Variants in PLEKHG5 observed in about 807,000 individuals in gnomAD.
PLEKHG5 encodes the protein pleckstrin homology domain-containing family G member 5.
PLEKHG5 carries 52 observed loss-of-function variants against 103.8 expected under a neutral mutation model. The observed-to-expected ratio is 0.50, with a 90% CI of 0.40 to 0.63. The LOEUF (loss-of-function observed/expected upper bound fraction) is 0.63, where lower values mean the gene tolerates loss of function less well. PLEKHG5 is among the 30% of genes least tolerant of loss of function. The pLI, the probability that PLEKHG5 is intolerant of heterozygous loss-of-function variation, is 0.00. For missense variants in PLEKHG5, 1,205 were observed against 1,347.6 expected, an observed-to-expected ratio of 0.89 and a Z score of 1.66; for synonymous variants, 592 against 575.5, an observed-to-expected ratio of 1.03 and a Z score of -0.41.
In PLEKHG5 at chr1:6,487,020, C is replaced by T. The variant is rs773706733; in HGVS notation, c.-88+4617G>A. On this transcript the variant is annotated intron_variant, in intron 1 of 20. Coordinates refer to ENST00000377728, the MANE Select transcript of PLEKHG5 (RefSeq NM_020631.6). The surrounding 1 kb of genome is among the most constrained non-coding windows in gnomAD (Gnocchi z 4.1). ...TGAGATGGCTTTGGGAGGGCAGCAG[C>T]GTTTTATTAGAGGCTGGGAGACTTC... Among the ~76,000 whole-genome samples, 34 of 152,150 alleles carry T rather than the reference C, an allele frequency of 2.2e-4. No homozygotes were observed. The highest frequency in any genetic ancestry group is 3.5e-4 in the Non-Finnish European group (24 of 68,024).
upstream of PLEKHG5, among the ~76,000 whole-genome samples, chr1:6,495,389 T>C (rs1645209796): frequency 1.3e-5 from 2 of 150,608 alleles, no homozygotes; most frequent in Non-Finnish European, 1.5e-5. Context: ...GCAGAACGAG[T>C]GTGTGTGTGT....
At chr1:6,479,441 C>T (rs1644847290) in intron 1 of PLEKHG5, among the ~76,000 whole-genome samples, 1 of 151,980 alleles carries the variant, frequency 6.6e-6, no homozygotes, top group Non-Finnish European at 1.5e-5. Flanking sequence ...CGCCCGCCAC[C>T]ACGCCCGGCT....
intron 1 of PLEKHG5, chr1:6,519,345 G>C: frequency 1.1e-6 from 1 of 909,420 alleles, no homozygotes; most frequent in Admixed American, 1.7e-5. Context: ...AATTCAGTGA[G>C]TGTGAGTCCT....
chr1:6,517,845 G>C (rs1024596973), intron 1 of PLEKHG5, among the ~76,000 whole-genome samples: 1 of 152,214 alleles, frequency 6.6e-6, no homozygotes, highest in Non-Finnish European at 1.5e-5. Flanking sequence ...TCCCAGACCA[G>C]GCTCCAACTC....
chr1:6,479,282 CTTT>C (rs59798457), intron 1 of PLEKHG5, among the ~76,000 whole-genome samples: 11,940 of 129,926 alleles, frequency 0.092, 432 homozygotes, highest in East Asian at 0.23. Flanking sequence ...TCTGTTTATC[CTTT>C]TTTTTTTTTT....
intron 1 of PLEKHG5, chr1:6,485,516 G>C: frequency 8.2e-7 from 1 of 1,225,930 alleles, no homozygotes; most frequent in Non-Finnish European, 1.0e-6. Context: ...GCCATTGTGC[G>C]GCCGCGCCCG....
chr1:6,470,179 G>A, intron 16 of PLEKHG5, 57 bp downstream of exon 16: 1 of 1,593,476 alleles, frequency 6.3e-7, no homozygotes, highest in African/African-American at 1.3e-5. Flanking sequence ...CAGTGACTGG[G>A]GCCCAGGAGG....
At position 6,519,544 on chromosome 1, in the gene PLEKHG5, GACCTCCAGCCAC is replaced by G. The variant is rs372167239; in HGVS notation, c.-276_-265del. The G allele has an allele frequency of 9.6e-5, 149 of 1,558,168 alleles. 2 individuals carry two copies. The African/African-American group carries it at 1.8e-3, about 19-fold the overall frequency. ...CTCTGCGGTGGTGGCACCCTGCCTG[GACCTCCAGCCAC>G]ATGCCAATGCCACAGGCCTCTCTAA... is the stretch of plus-strand genomic sequence containing the variant. On this transcript the variant is annotated 5_prime_UTR_variant, in exon 1 of 22. Coordinates refer to the PLEKHG5 transcript ENST00000377740.
intron 1 of PLEKHG5, among the ~76,000 whole-genome samples, chr1:6,514,426 C>A (rs1049546817): frequency 6.6e-6 from 1 of 151,756 alleles, no homozygotes; most frequent in Non-Finnish European, 1.5e-5. Context: ...TGCACTCCAG[C>A]CTTGGTGACA....
intron 1 of PLEKHG5, among the ~76,000 whole-genome samples, chr1:6,514,750 GA>G (rs976035938): frequency 1.6e-4 from 24 of 149,262 alleles, no homozygotes; most frequent in African/African-American, 5.4e-4. Flanking sequence ...GACAGAGCAA[GA>G]CTCCATCTTG....
rs372308060 is a variant in PLEKHG5, at chr1:6,468,271, C to T, written c.2565G>A (p.Ser855=). 19 of 1,605,982 alleles carry T rather than the reference C, an allele frequency of 1.2e-5. No homozygotes were observed. Among genetic ancestry groups the T allele is most frequent in the East Asian group, 2.2e-5 (1 of 44,648 alleles). ...ESPRVPSPPP[S]PRLRRRTPVQ... ...CAGGGGTGCGGCGGCGGAGACGGGGCGAGGGTGGAGGGGAAGGAACTCGTG... is the reference window on the plus strand; with the variant it reads ...CAGGGGTGCGGCGGCGGAGACGGGGTGAGGGTGGAGGGGAAGGAACTCGTG... Residue 855 remains serine, a synonymous_variant, in exon 20 of 21, where the codon TCG becomes TCA. Coordinates refer to ENST00000377728, the MANE Select transcript of PLEKHG5 (RefSeq NM_020631.6).
upstream of PLEKHG5, among the ~76,000 whole-genome samples, chr1:6,500,891 C>G (rs997362038): frequency 3.3e-5 from 5 of 152,200 alleles, no homozygotes; most frequent in African/African-American, 1.2e-4. Flanking sequence ...CCAGTTCTCC[C>G]CCGACCCTGT....
chr1:6,497,249 G>T (rs1466188615), upstream of PLEKHG5: 1 of 882,984 alleles, frequency 1.1e-6, no homozygotes, highest in Non-Finnish European at 1.8e-6. This position sits in a 1 kb window ranked among gnomAD's most constrained non-coding sequence, Gnocchi z 6.1. Flanking sequence ...GCCCTCCCCG[G>T]AGGAGGTTAG....
chr1:6,502,725 C>T (rs905201113), intron 1 of PLEKHG5, among the ~76,000 whole-genome samples: 4 of 152,240 alleles, frequency 2.6e-5, no homozygotes, highest in African/African-American at 9.6e-5. Context: ...GCCAGTCCCA[C>T]CCCCATCACA....
At chr1:6,513,449 C>T (rs1183926533) in intron 1 of PLEKHG5, among the ~76,000 whole-genome samples, 3 of 152,232 alleles carry the variant, frequency 2.0e-5, no homozygotes, top group Admixed American at 6.5e-5. Context: ...TAAGACCCAG[C>T]AGCTGCCACC....
At chr1:6,514,180 C>T (rs1229342318) in intron 1 of PLEKHG5, among the ~76,000 whole-genome samples, 1 of 152,066 alleles carries the variant, frequency 6.6e-6, no homozygotes, top group African/African-American at 2.4e-5. Flanking sequence ...AAAAATTAGC[C>T]AGGCATGGTG....
At position 6,475,135 on chromosome 1, in the gene PLEKHG5, G is replaced by T. The variant is rs886044171; in HGVS notation, c.214C>A (p.Pro72Thr). 4.4e-6 allele frequency: 7 copies of T among 1,588,642 alleles called. No homozygotes were observed. The highest frequency in any genetic ancestry group is 6.0e-6 in the Non-Finnish European group (7 of 1,157,174). ...TTCAGAGTGAAGCATTCCTTGCTTGGGTCCTGGGAGGATGGTGGGGGTGGG... is the reference window on the plus strand; with the variant it reads ...TTCAGAGTGAAGCATTCCTTGCTTGTGTCCTGGGAGGATGGTGGGGGTGGG... ...KKARRRHTDD[P>T]SKECFTLKFD... The change falls in exon 5 of 21, where the codon CCA becomes ACA. Residue 72 changes from proline (P) to threonine (T), a missense_variant. Physicochemically the swap from Pro to Thr is conservative, Grantham distance 38 (BLOSUM62 -1). Transcript: ENST00000377728.
At chr1:6,510,358 C>G (rs181514156) in intron 1 of PLEKHG5, among the ~76,000 whole-genome samples, 1 of 152,086 alleles carries the variant, frequency 6.6e-6, no homozygotes, top group Admixed American at 6.5e-5. Flanking sequence ...TTTGGGAGGC[C>G]AAGGCAGGTG....
chr1:6,467,747 T>A, intron 20 of PLEKHG5, 78 bp downstream of exon 20: 1 of 1,560,044 alleles, frequency 6.4e-7, no homozygotes, highest in Non-Finnish European at 8.8e-7. Context: ...CCTCCCCAAA[T>A]GCGATGCTCC....
Sources: allele counts gnomAD v4.1 joint callset (sites outside exome capture counted in the v4.1 genomes callset), GRCh38; gene constraint gnomAD v4.1.1; non-coding constraint Gnocchi (gnomAD v3.1); transcripts MANE v1.5; gene names NCBI Gene and HGNC (gene_info 2026-07-23, HGNC 2026-07-21).